The following PLG variants were observed in gnomAD, a reference collection of about 807,000 sequenced individuals.
The protein encoded by PLG is plasminogen, also known as plasmin.
PLG carries 41 observed loss-of-function variants against 104.4 expected under a neutral mutation model. That is an observed-to-expected ratio of 0.39 (90% CI 0.31 to 0.51). PLG has a LOEUF of 0.51. Among genes scored for constraint, PLG ranks in the 20% least tolerant of loss-of-function variants. PLG has a pLI of 0.76. For synonymous variants in PLG, 337 were observed against 357.1 expected (o/e 0.94, Z 0.63); for missense variants, 891 against 1,003.6 (o/e 0.89, Z 1.52).
chr6:160,748,108 G>C (rs142361332), intron 17 of PLG, among the ~76,000 whole-genome samples: 4,504 of 150,420 alleles, frequency 0.03, 262 homozygotes, highest in African/African-American at 0.1. Flanking sequence ...AGCTTGAGAC[G>C]AGCCTGACCA....
chr6:160,731,818 C>A lies in PLG; in HGVS notation c.1512C>A (p.Asp504Glu), dbSNP rs1373540093. 6.2e-7 allele frequency: 1 copy of A among 1,613,870 alleles called. No homozygotes were observed. Among genetic ancestry groups the A allele is most frequent in the East Asian group, 2.2e-5 (1 of 44,878 alleles). The stretch of plus-strand genomic sequence containing the variant: ...CTGTTACTGGGACGCCATGCCAGGA[C>A]TGGGCTGCCCAGGAGCCCCATAGAC... ...ATTVTGTPCQ[D>E]WAAQEPHRHS... The change falls in exon 12 of 19, where the codon GAC becomes GAA. Residue 504 changes from aspartate to glutamate, a missense_variant. Asp to Glu is a conservative substitution (Grantham distance 45). This residue lies in a region of PLG where 854 missense variants were observed against 932.1 expected (regional missense o/e 0.92). Coordinates refer to ENST00000308192, the MANE Select transcript of PLG (RefSeq NM_000301.5). This position sits in a 1 kb window ranked among gnomAD's most constrained non-coding sequence, Gnocchi z 5.1.
At chr6:160,708,643 T>C (rs1042339843) in intron 3 of PLG, 3 of 152,220 alleles carry the variant, frequency 2.0e-5, no homozygotes, top group African/African-American at 7.2e-5. Flanking sequence ...CCAAACATTC[T>C]GCATCCCAGG....
In PLG at chr6:160,741,217, AG is replaced by A; in HGVS notation, c.2019-91del. Reference sequence around the variant, plus strand: ...GTGAAGCAAGGCAGTGCCAGTTCAGAGGGCTCTGGGGCCTCAAGACAGGGAT... The same window carrying A: ...GTGAAGCAAGGCAGTGCCAGTTCAGAGGCTCTGGGGCCTCAAGACAGGGAT... On this transcript the variant is annotated intron_variant, in intron 16 of 18. Transcript: ENST00000308192. The surrounding 1 kb of genome is among the most constrained non-coding windows in gnomAD (Gnocchi z 4.7). The A allele has an allele frequency of 1.2e-6, 1 of 856,108 alleles. No individual in the cohort carries two copies. The highest frequency in any genetic ancestry group is 1.3e-5 in the South Asian group (1 of 74,810). 53.0% of individuals were successfully genotyped at this position (856,108 alleles called of 1,614,324 possible). A position where few individuals can be genotyped will look rare whatever the true frequency, so the allele number is the denominator to read the frequency against.
intron 7 of PLG, among the ~76,000 whole-genome samples, chr6:160,717,685 G>A (rs1777761759): frequency 6.6e-6 from 1 of 152,108 alleles, no homozygotes; most frequent in East Asian, 1.9e-4. Context: ...TGAGAATTCG[G>A]GGTGTGAGGT....
chr6:160,733,105 C>T (rs1778025301), intron 12 of PLG, among the ~76,000 whole-genome samples: 2 of 152,154 alleles, frequency 1.3e-5, no homozygotes, highest in Admixed American at 1.3e-4. Context: ...GCTCCCTTCA[C>T]TCAGGAACCC....
At position 160,740,441 on chromosome 6, in the gene PLG, T is replaced by C. The variant is rs533497514; in HGVS notation, c.2019-870T>C. On this transcript the variant is annotated intron_variant, in intron 16 of 18. Transcript: ENST00000308192. This position sits in a 1 kb window ranked among gnomAD's most constrained non-coding sequence, Gnocchi z 5.2. ...AGGAGTTCTCTGATAGGCTGATACA[T>C]TTCGAGTTTAGAGTTCCCACCCCAC... is the stretch of plus-strand genomic sequence containing the variant. 6.6e-6 allele frequency among the ~76,000 whole-genome samples: 1 copy of C among 152,080 alleles called. No individual in the cohort carries two copies. Among genetic ancestry groups the C allele is most frequent in the Non-Finnish European group, 1.5e-5 (1 of 68,014 alleles).
intron 7 of PLG, 51 bp downstream of exon 7, chr6:160,716,814 G>C (rs1777740301): frequency 1.9e-6 from 2 of 1,075,112 alleles, no homozygotes; most frequent in Non-Finnish European, 1.5e-6. Context: ...CCCTGTTCTT[G>C]AAATCAAAAG....
intron 3 of PLG, 99 bp downstream of exon 3, chr6:160,707,905 A>C (rs1777561581): frequency 9.6e-7 from 1 of 1,039,048 alleles, no homozygotes; most frequent in Non-Finnish European, 1.5e-6. Flanking sequence ...CAGAGGAGGA[A>C]GGCACTATCG....
chr6:160,717,715 C>G (rs1777762755), intron 7 of PLG, among the ~76,000 whole-genome samples: 1 of 152,056 alleles, frequency 6.6e-6, no homozygotes, highest in Non-Finnish European at 1.5e-5. Context: ...TGATACTTAC[C>G]AGGTAGGAAG....
chr6:160,716,383 A>C (rs781144673), intron 6 of PLG, among the ~76,000 whole-genome samples: 1 of 152,170 alleles, frequency 6.6e-6, no homozygotes, highest in Non-Finnish European at 1.5e-5. Context: ...GGATTGCTTG[A>C]GTGAGTTCAA....
chr6:160,730,014 G>T (rs1777974242), intron 10 of PLG, among the ~76,000 whole-genome samples: 1 of 152,092 alleles, frequency 6.6e-6, no homozygotes, highest in South Asian at 2.1e-4. Context: ...GTGTAGAGTC[G>T]CTAGAGAGAC....
chr6:160,705,606 G>A (rs1157372172), intron 1 of PLG: 1 of 152,136 alleles, frequency 6.6e-6, no homozygotes, highest in African/African-American at 2.4e-5. Context: ...TGTCCAAGGT[G>A]GCAACATAAT....
chr6:160,741,355 C>G lies in PLG; in HGVS notation c.2063C>G (p.Ser688Cys). 3 of 1,613,156 alleles carry G rather than the reference C, an allele frequency of 1.9e-6. No individual in the cohort carries two copies. Among genetic ancestry groups the G allele is most frequent in the Non-Finnish European group, 2.5e-6 (3 of 1,179,044 alleles). The change falls in exon 17 of 19, where the codon TCC (serine) becomes TGC (cysteine). Residue 688 changes from serine (S) to cysteine (C), a missense_variant. This residue lies in a region of PLG where 854 missense variants were observed against 932.1 expected (regional missense o/e 0.92). Coordinates refer to ENST00000308192, the MANE Select transcript of PLG (RefSeq NM_000301.5). This position sits in a 1 kb window ranked among gnomAD's most constrained non-coding sequence, Gnocchi z 4.7. ...AAAGTAATCCCAGCTTGTCTGCCATCCCCAAATTATGTGGTCGCTGACCGG... is the reference window on the plus strand; with the variant it reads ...AAAGTAATCCCAGCTTGTCTGCCATGCCCAAATTATGTGGTCGCTGACCGG... Reference protein sequence around the residue: ...TDKVIPACLPSPNYVVADRTE... With the variant: ...TDKVIPACLPCPNYVVADRTE...
intron 12 of PLG, 81 bp from the exon 13 acceptor site, chr6:160,733,914 C>T (rs534906278): frequency 1.7e-4 from 119 of 688,192 alleles, no homozygotes; most frequent in Non-Finnish European, 3.0e-4. Flanking sequence ...TAAGGATAGA[C>T]ATGAAATGCG....
intron 10 of PLG, among the ~76,000 whole-genome samples, chr6:160,722,923 A>C (rs1777860228): frequency 6.6e-6 from 1 of 152,120 alleles, no homozygotes; most frequent in African/African-American, 2.4e-5. Context: ...CTATCATTTT[A>C]ACCTCCAACC....
chr6:160,718,319 C>G lies in PLG; in HGVS notation c.813C>G (p.Pro271=), dbSNP rs774956297. The G allele has an allele frequency of 3.2e-5, 52 of 1,613,840 alleles. No homozygotes were observed. In the Admixed American group the frequency reaches 8.7e-4, roughly 27 times the overall value. ...RCTTPPPSSG[P]TYQCLKGTGE... ...CAACACCTCCACCATCTTCTGGTCC[C>G]ACCTACCAGTGTCTGAAGGGAACAG... Residue 271 remains proline, a synonymous_variant, in exon 8 of 19, where the codon CCC becomes CCG. Coordinates refer to ENST00000308192, the MANE Select transcript of PLG (RefSeq NM_000301.5).
rs527766040 is a variant in PLG, at chr6:160,705,964, T to G, written c.50-443T>G. On this transcript the variant is annotated intron_variant, in intron 1 of 18. Coordinates refer to ENST00000308192, the MANE Select transcript of PLG (RefSeq NM_000301.5). ...AGTTCTAACCTGTTTGTCAATCCAG[T>G]TAATCTTTTACTATCTTGCAATCTG... 3 of 201,204 alleles carry G rather than the reference T, an allele frequency of 1.5e-5. No individual in the cohort carries two copies. The South Asian group carries it at 2.8e-4, about 18-fold the overall frequency. 12.5% of individuals were successfully genotyped at this position (201,204 alleles called of 1,614,324 possible).
rs1044553827 is a variant in PLG, at chr6:160,735,591, G to A, written c.1682-1296G>A. Among the ~76,000 whole-genome samples, 5 of 152,162 alleles carry A rather than the reference G, an allele frequency of 3.3e-5. No individual in the cohort carries two copies. Among genetic ancestry groups the A allele is most frequent in the African/African-American group, 1.2e-4 (5 of 41,424 alleles). ...CCCATCAGACACTTGGAAATCCTGA[G>A]GACTGTTTCATGCAGAAGGATATGG... On this transcript the variant is annotated intron_variant, in intron 13 of 18. Coordinates refer to ENST00000308192, the MANE Select transcript of PLG (RefSeq NM_000301.5). This position sits in a 1 kb window ranked among gnomAD's most constrained non-coding sequence, Gnocchi z 5.4.
In PLG at chr6:160,734,984, G is replaced by A. The variant is rs1778063092; in HGVS notation, c.1681+896G>A. 2.0e-5 allele frequency among the ~76,000 whole-genome samples: 3 copies of A among 152,156 alleles called. No individual in the cohort carries two copies. Among genetic ancestry groups the A allele is most frequent in the African/African-American group, 7.2e-5 (3 of 41,416 alleles). ...TTGCCTGGGAAGGTGGTACAGGGCA[G>A]TGATGAAGATCATGGGAGCCACACT... On this transcript the variant is annotated intron_variant, in intron 13 of 18. Transcript: ENST00000308192. The surrounding 1 kb of genome is among the most constrained non-coding windows in gnomAD (Gnocchi z 4.4).
Sources: gnomAD v4.1 joint callset for allele counts (sites outside exome capture counted in the v4.1 genomes callset) on GRCh38, gnomAD v4.1.1 for gene constraint, gnomAD v4.1.1 regional missense constraint, Gnocchi (gnomAD v3.1) non-coding constraint, MANE v1.5 for transcripts, NCBI Gene and HGNC (gene_info 2026-07-23, HGNC 2026-07-21) for gene names.